Variants in AIM2 observed in about 807,000 individuals in gnomAD.
The protein encoded by AIM2 is absent in melanoma 2.
Under a neutral mutation model 27.7 loss-of-function variants are expected in AIM2, and 30 were observed. The ratio of observed to expected loss-of-function variants is 1.08; its 90% CI spans 0.81 to 1.47. The LOEUF (loss-of-function observed/expected upper bound fraction) is 1.47, where lower values mean the gene tolerates loss of function less well. Ranked by LOEUF, AIM2 falls within the 40% of genes most tolerant of loss-of-function variation. The probability of loss-of-function intolerance (pLI) is 0.00; values close to 1 mark genes in which losing one functional copy is unlikely to be tolerated. For missense variants in AIM2, 358 were observed against 411.3 expected (o/e 0.87, Z 1.12); for synonymous variants, 141 against 145.3 (o/e 0.97, Z 0.21).
At chr1:159,065,882 C>T in intron 4 of AIM2, 28 bp downstream of exon 4, 2 of 1,551,726 alleles carry the variant, frequency 1.3e-6, no homozygotes, top group South Asian at 2.5e-5. Flanking sequence ...TCTTACTAAT[C>T]AATATGAAAT....
intron 3 of AIM2, among the ~76,000 whole-genome samples, chr1:159,066,592 T>C (rs1442933801): frequency 1.3e-5 from 2 of 152,178 alleles, no homozygotes. Flanking sequence ...ACCAAATCCT[T>C]GCTTTGCCAT....
intron 1 of AIM2, among the ~76,000 whole-genome samples, chr1:159,085,450 G>A (rs1433074659): frequency 2.6e-5 from 4 of 152,150 alleles, no homozygotes; most frequent in African/African-American, 7.2e-5. Flanking sequence ...ACAGAGACAG[G>A]GAGTACCCAA....
At chr1:159,078,515 C>A (rs1656692106), upstream of AIM2, among the ~76,000 whole-genome samples, 1 of 152,142 alleles carries the variant, frequency 6.6e-6, no homozygotes, top group Non-Finnish European at 1.5e-5. Flanking sequence ...CAACAAGCAC[C>A]AACCCCAGAG....
chr1:159,083,282 A>C (rs1656824823), intron 1 of AIM2, among the ~76,000 whole-genome samples: 1 of 152,162 alleles, frequency 6.6e-6, no homozygotes, highest in Non-Finnish European at 1.5e-5. Context: ...GGTTCCAACA[A>C]TGTAAGAAAA....
chr1:159,139,877 C>A (rs751639694), intron 1 of AIM2, among the ~76,000 whole-genome samples: 6 of 152,084 alleles, frequency 3.9e-5, no homozygotes, highest in Non-Finnish European at 8.8e-5. Flanking sequence ...GCCCTTGCCC[C>A]GAATTTTAAC....
chr1:159,098,313 C>T (rs1216166117), intron 1 of AIM2, among the ~76,000 whole-genome samples: 8 of 152,310 alleles, frequency 5.3e-5, no homozygotes, highest in African/African-American at 1.9e-4. Context: ...GCTATACAGA[C>T]AGTCCCTTAC....
chr1:159,115,528 C>T (rs372648142), intron 1 of AIM2, among the ~76,000 whole-genome samples: 14 of 152,074 alleles, frequency 9.2e-5, no homozygotes, highest in Admixed American at 4.6e-4. Context: ...GGAATAATGC[C>T]GCATATCCAC....
At chr1:159,083,899 A>G (rs1487854982) in intron 1 of AIM2, among the ~76,000 whole-genome samples, 3 of 152,212 alleles carry the variant, frequency 2.0e-5, no homozygotes, top group Admixed American at 1.3e-4. Context: ...TGAATAGTCA[A>G]TATTTATGGA....
chr1:159,077,645 T>TA (rs1296707884), upstream of AIM2, among the ~76,000 whole-genome samples: 1 of 152,194 alleles, frequency 6.6e-6, no homozygotes, highest in African/African-American at 2.4e-5. Context: ...ACCGCATTTT[T>TA]ATTGCTTGTA....
intron 1 of AIM2, among the ~76,000 whole-genome samples, chr1:159,115,487 T>G (rs990003829): frequency 1.3e-5 from 2 of 152,068 alleles, no homozygotes; most frequent in African/African-American, 2.4e-5. Flanking sequence ...AAAACAGAGA[T>G]ATAGACCAAT....
intron 1 of AIM2, among the ~76,000 whole-genome samples, chr1:159,091,393 C>T (rs1657039515): frequency 6.6e-6 from 1 of 152,166 alleles, no homozygotes; most frequent in Non-Finnish European, 1.5e-5. Context: ...CGTGCTTTGG[C>T]AGGTTCTGCC....
intron 1 of AIM2, among the ~76,000 whole-genome samples, chr1:159,137,579 C>A (rs941583455): frequency 6.6e-6 from 1 of 152,184 alleles, no homozygotes; most frequent in Non-Finnish European, 1.5e-5. Flanking sequence ...ATGGCTTGAA[C>A]CCAGGAGGTG....
chr1:159,096,048 C>T (rs1657174509), intron 1 of AIM2, among the ~76,000 whole-genome samples: 1 of 152,210 alleles, frequency 6.6e-6, no homozygotes, highest in Non-Finnish European at 1.5e-5. Context: ...TATAAGCTGT[C>T]TTGGTAGAGT....
intron 1 of AIM2, among the ~76,000 whole-genome samples, chr1:159,131,758 C>T (rs1187382066): frequency 1.3e-5 from 2 of 152,180 alleles, no homozygotes. Flanking sequence ...TCAATCTACA[C>T]AGTTGGATCA....
chr1:159,123,210 A>AC (rs553517663), intron 1 of AIM2, among the ~76,000 whole-genome samples: 147 of 152,242 alleles, frequency 9.7e-4, no homozygotes, highest in African/African-American at 3.4e-3. Flanking sequence ...AAATAAAAAC[A>AC]CCATTATAAA....
chr1:159,090,119 G>C (rs1314474528), intron 1 of AIM2, among the ~76,000 whole-genome samples: 1 of 152,188 alleles, frequency 6.6e-6, no homozygotes, highest in Non-Finnish European at 1.5e-5. Flanking sequence ...AGGGTTCCCA[G>C]GGGGATTGGC....
intron 1 of AIM2, among the ~76,000 whole-genome samples, chr1:159,127,828 G>A (rs1647764110): frequency 6.6e-6 from 1 of 152,118 alleles, no homozygotes; most frequent in African/African-American, 2.4e-5. Context: ...AATTTCTGTT[G>A]TTTATAAACC....
intron 1 of AIM2, among the ~76,000 whole-genome samples, chr1:159,083,548 C>G (rs1656830407): frequency 6.6e-6 from 1 of 152,094 alleles, no homozygotes; most frequent in Non-Finnish European, 1.5e-5. Flanking sequence ...AATAGCTCTA[C>G]TAAATGCTCA....
rs187080791 is a variant in AIM2, at chr1:159,085,290, G to A, written c.-15-18961C>T. On this transcript the variant is annotated intron_variant, in intron 1 of 2. Coordinates refer to the AIM2 transcript ENST00000368129. ...GACTCCTGTCTTCTGAGTTGGGGAC[G>A]TGAGAATTATTACATGTGAATTATT... 7.2e-5 allele frequency among the ~76,000 whole-genome samples: 11 copies of A among 152,254 alleles called. No homozygotes were observed. In the East Asian group the frequency reaches 1.4e-3, roughly 19 times the overall value.
Sources: allele counts gnomAD v4.1 joint callset (sites outside exome capture counted in the v4.1 genomes callset), GRCh38; gene constraint gnomAD v4.1.1; transcripts MANE v1.5; gene names NCBI Gene and HGNC (gene_info 2026-07-23, HGNC 2026-07-21).